Variants in DLGAP2 observed in about 807,000 individuals in gnomAD.
The protein encoded by DLGAP2 is DLG associated protein 2.
DLGAP2 carries 26 observed loss-of-function variants against 100.3 expected under a neutral mutation model. The ratio of observed to expected loss-of-function variants is 0.26; its 90% CI spans 0.19 to 0.36. DLGAP2 has a LOEUF of 0.36. DLGAP2 is among the 10% of genes least tolerant of loss of function. DLGAP2 has a pLI of 1.00. For missense variants in DLGAP2, 1,858 were observed against 1,453.2 expected (o/e 1.28, Z -4.53); for synonymous variants, 886 against 630.1 (o/e 1.41, Z -6.08).
intron 2 of DLGAP2, among the ~76,000 whole-genome samples, chr8:1,187,890 A>G (rs1425569839): frequency 2.1e-4 from 25 of 116,884 alleles, no homozygotes; most frequent in East Asian, 7.3e-4. Context: ...ACGGAATCTC[A>G]CACGCCCGGG....
At chr8:836,054 C>A (rs1261462339) in intron 1 of DLGAP2, among the ~76,000 whole-genome samples, 1 of 152,166 alleles carries the variant, frequency 6.6e-6, no homozygotes, top group Admixed American at 6.5e-5. Context: ...GAATAAATGC[C>A]GAGATGTAAA....
chr8:927,098 A>G lies in DLGAP2; in HGVS notation c.73+19132A>G, dbSNP rs949951280. 4.1e-6 allele frequency: 4 copies of G among 985,276 alleles called. No individual in the cohort carries two copies. In the African/African-American group the frequency reaches 5.2e-5, roughly 13 times the overall value. 61.0% of individuals were successfully genotyped at this position (985,276 alleles called of 1,614,324 possible). A position where few individuals can be genotyped will look rare whatever the true frequency, so the allele number is the denominator to read the frequency against. ...TCGTGGGAGGGCCCCAGTGGCCGGG[A>G]TGGTAAAAGACTTCGGAGCAAACTA... On this transcript the variant is annotated intron_variant, in intron 2 of 14. Transcript: ENST00000637795.
At chr8:1,237,632 C>G (rs1199864173) in intron 2 of DLGAP2, among the ~76,000 whole-genome samples, 2 of 146,400 alleles carry the variant, frequency 1.4e-5, no homozygotes, top group African/African-American at 2.6e-5. Flanking sequence ...TCACATGGTG[C>G]CGTGTCTAGT....
intron 2 of DLGAP2, among the ~76,000 whole-genome samples, chr8:1,045,015 A>G (rs935395027): frequency 2.0e-5 from 3 of 152,238 alleles, no homozygotes; most frequent in Admixed American, 6.5e-5. Flanking sequence ...TCATTTCCTC[A>G]TAAGCACACA....
intron 2 of DLGAP2, among the ~76,000 whole-genome samples, chr8:1,039,485 G>A (rs1385717907): frequency 1.4e-5 from 2 of 144,360 alleles, no homozygotes; most frequent in Non-Finnish European, 3.0e-5. Flanking sequence ...GGTTTCCGTG[G>A]TCGGCTCGGT....
At chr8:1,229,876 A>C (rs560974374) in intron 2 of DLGAP2, among the ~76,000 whole-genome samples, 1 of 152,314 alleles carries the variant, frequency 6.6e-6, no homozygotes, top group African/African-American at 2.4e-5. Context: ...ACCTCAAAAT[A>C]ATAAGTGCCA....
intron 3 of DLGAP2, among the ~76,000 whole-genome samples, chr8:1,305,680 A>G (rs2117005605): frequency 6.6e-6 from 1 of 152,278 alleles, no homozygotes; most frequent in Non-Finnish European, 1.5e-5. Context: ...GCCTCCATCA[A>G]CCTGCTGGGA....
chr8:1,136,674 T>C lies in DLGAP2; in HGVS notation c.74-122177T>C, dbSNP rs79642920. On this transcript the variant is annotated intron_variant, in intron 2 of 14. Transcript: ENST00000637795. Reference sequence around the variant, plus strand: ...CTTTCTCTATGCTCTTCAAATTGAATGTGGATTCCCCCAGCTTCGTGCCTG... The same window carrying C: ...CTTTCTCTATGCTCTTCAAATTGAACGTGGATTCCCCCAGCTTCGTGCCTG... Among the ~76,000 whole-genome samples the C allele has an allele frequency of 2.7e-3, 404 of 152,304 alleles. 1 individual carries two copies. Among genetic ancestry groups the C allele is most frequent in the African/African-American group, 9.2e-3 (384 of 41,560 alleles).
chr8:1,590,352 C>A, intron 6 of DLGAP2, among the ~76,000 whole-genome samples: 1 of 152,108 alleles, frequency 6.6e-6, no homozygotes, highest in Middle Eastern at 3.2e-3. Context: ...AAAATGGCAC[C>A]CCTCTATCTT....
At chr8:1,523,657 G>A (rs114894894) in intron 4 of DLGAP2, among the ~76,000 whole-genome samples, 2,357 of 152,280 alleles carry the variant, frequency 0.015, 58 homozygotes, top group African/African-American at 0.047. Context: ...AACATACCCC[G>A]AGGAACACTC....
At chr8:1,274,251 C>G (rs1039862152) in intron 3 of DLGAP2, among the ~76,000 whole-genome samples, 2 of 152,070 alleles carry the variant, frequency 1.3e-5, no homozygotes, top group African/African-American at 4.8e-5. Context: ...ATTGTGAACT[C>G]TTCCCCACCC....
At position 1,320,471 on chromosome 8, in the gene DLGAP2, G is replaced by A. The variant is rs547319625; in HGVS notation, c.106+61588G>A. On this transcript the variant is annotated intron_variant, in intron 3 of 14. Coordinates refer to ENST00000637795, the MANE Select transcript of DLGAP2 (RefSeq NM_001346810.2). ...CAGGGTGTCTGTCTGCCGAGGCTGG[G>A]AAGGCATCAGGAGCCGGGCAGACGG... Among the ~76,000 whole-genome samples, 223 of 152,284 alleles carry A rather than the reference G, an allele frequency of 1.5e-3. 1 individual carries two copies. The highest frequency in any genetic ancestry group is 2.1e-3 in the Non-Finnish European group (143 of 68,012).
Position 1,211,168 on chromosome 8 carries a change from G to A in DLGAP2, c.74-47683G>A, listed in dbSNP as rs544376778. On this transcript the variant is annotated intron_variant, in intron 2 of 14. Coordinates refer to ENST00000637795, the MANE Select transcript of DLGAP2 (RefSeq NM_001346810.2). Reference sequence around the variant, plus strand: ...ACATGATCTCATGTGAACAGGCTGCGTTCAGCACAACATTCTCAGGGGCCA... The same window carrying A: ...ACATGATCTCATGTGAACAGGCTGCATTCAGCACAACATTCTCAGGGGCCA... 2.6e-5 allele frequency among the ~76,000 whole-genome samples: 4 copies of A among 152,334 alleles called. No individual in the cohort carries two copies. In the East Asian group the frequency reaches 5.8e-4, roughly 22 times the overall value.
intron 3 of DLGAP2, among the ~76,000 whole-genome samples, chr8:1,428,907 C>T (rs1429120458): frequency 6.6e-6 from 1 of 152,232 alleles, no homozygotes; most frequent in Non-Finnish European, 1.5e-5. Flanking sequence ...TCATGCCCTG[C>T]TTGGCTATCT....
intron 3 of DLGAP2, among the ~76,000 whole-genome samples, chr8:1,344,689 C>G (rs765434712): frequency 1.3e-5 from 2 of 152,290 alleles, no homozygotes; most frequent in East Asian, 1.9e-4. Context: ...CTCCCGCGCT[C>G]CTCCGTAACC....
intron 2 of DLGAP2, among the ~76,000 whole-genome samples, chr8:1,181,422 C>T (rs1009624195): frequency 1.5e-4 from 23 of 152,120 alleles, no homozygotes; most frequent in African/African-American, 4.8e-4. Context: ...CATCCATGTT[C>T]CTGCAGGGCA....
At chr8:1,173,002 C>G (rs1457583077) in intron 2 of DLGAP2, among the ~76,000 whole-genome samples, 1 of 152,050 alleles carries the variant, frequency 6.6e-6, no homozygotes, top group Non-Finnish European at 1.5e-5. Flanking sequence ...TTTTCCCCAT[C>G]TTTGTGGTTT....
chr8:1,086,312 A>G (rs573377365), intron 2 of DLGAP2, among the ~76,000 whole-genome samples: 42 of 152,316 alleles, frequency 2.8e-4, no homozygotes, highest in Admixed American at 5.2e-4. Flanking sequence ...TAGAAGTGGT[A>G]AGAGTGGGCA....
chr8:846,622 C>G (rs1050871733), intron 1 of DLGAP2, among the ~76,000 whole-genome samples: 2 of 152,214 alleles, frequency 1.3e-5, no homozygotes, highest in Non-Finnish European at 2.9e-5. Flanking sequence ...CTCTTTGACA[C>G]TAACTTTATT....
Sources: gnomAD v4.1 joint callset for allele counts (sites outside exome capture counted in the v4.1 genomes callset) on GRCh38, gnomAD v4.1.1 for gene constraint, MANE v1.5 for transcripts, NCBI Gene and HGNC (gene_info 2026-07-23, HGNC 2026-07-21) for gene names.